ZNF536: variants seen among roughly 807,000 people sequenced by gnomAD.
ZNF536 encodes zinc finger protein 536.
In ZNF536, 13 loss-of-function variants were observed where a neutral mutation model predicts 84.5. That is an observed-to-expected ratio of 0.15 (90% CI 0.10 to 0.24). The LOEUF (loss-of-function observed/expected upper bound fraction) is 0.24. Ranked by LOEUF, ZNF536 falls within the 10% of genes least tolerant of loss-of-function variation. The pLI is 1.00. For synonymous variants in ZNF536, 811 were observed against 742.5 expected (o/e 1.09, Z -1.50); for missense variants, 1,536 against 1,747.5 (o/e 0.88, Z 2.16).
chr19:30,700,185 TTTCC>T (rs2051851166), intron 1 of ZNF536, among the ~76,000 whole-genome samples: 1 of 129,562 alleles, frequency 7.7e-6, no homozygotes, highest in Non-Finnish European at 1.7e-5. Context: ...CTTTCTTTTC[TTTCC>T]TTCTTTCTTT....
intron 1 of ZNF536, among the ~76,000 whole-genome samples, chr19:30,698,066 C>G (rs909038883): frequency 2.0e-5 from 3 of 152,206 alleles, no homozygotes; most frequent in Non-Finnish European, 4.4e-5. Context: ...CCATGGCAGG[C>G]GGATCACCTG....
At chr19:30,671,781 G>T (rs576540961) in intron 1 of ZNF536, among the ~76,000 whole-genome samples, 365 of 152,308 alleles carry the variant, frequency 2.4e-3, no homozygotes, top group Non-Finnish European at 2.9e-3. Context: ...GCCTCAACTT[G>T]GGTGGTTGCA....
At chr19:30,414,465 A>C (rs1039018539) in intron 1 of ZNF536, among the ~76,000 whole-genome samples, 1 of 152,012 alleles carries the variant, frequency 6.6e-6, no homozygotes, top group African/African-American at 2.4e-5. Context: ...GCATGGATGA[A>C]ATTTTGTTTC....
chr19:30,238,337 G>T (rs964078444), intron 1 of ZNF536, among the ~76,000 whole-genome samples: 2 of 151,786 alleles, frequency 1.3e-5, no homozygotes, highest in African/African-American at 4.8e-5. Flanking sequence ...CATTTTAAAG[G>T]GTCAGCTGAG....
At chr19:30,619,887 ATG>A (rs1280711465) in intron 1 of ZNF536, among the ~76,000 whole-genome samples, 6 of 152,228 alleles carry the variant, frequency 3.9e-5, no homozygotes, top group African/African-American at 1.2e-4. Flanking sequence ...GGCAAGTGAC[ATG>A]AAAGAGTGAT....
At chr19:30,624,523 C>T (rs772095651) in intron 1 of ZNF536, among the ~76,000 whole-genome samples, 2 of 152,158 alleles carry the variant, frequency 1.3e-5, no homozygotes, top group Non-Finnish European at 2.9e-5. Context: ...GCTACCATCA[C>T]CTATATAATG....
intron 2 of ZNF536, among the ~76,000 whole-genome samples, chr19:30,336,324 A>C (rs4805550): frequency 0.27 from 40,448 of 152,140 alleles, 5,676 homozygotes; most frequent in East Asian, 0.41. Context: ...AGCGCCTGGC[A>C]CATAGTAGGT....
At chr19:30,401,390 C>A (rs1226764784) in intron 1 of ZNF536, among the ~76,000 whole-genome samples, 2 of 152,184 alleles carry the variant, frequency 1.3e-5, no homozygotes, top group Non-Finnish European at 2.9e-5. Context: ...CCGGGTTAGA[C>A]TCCCCATGTC....
At chr19:30,451,286 T>C (rs1172609039) in intron 2 of ZNF536, among the ~76,000 whole-genome samples, 2 of 152,254 alleles carry the variant, frequency 1.3e-5, no homozygotes, top group Non-Finnish European at 2.9e-5. Context: ...TGCTCTCAGA[T>C]GCTGGTTCAT....
At chr19:30,310,952 C>T (rs1211125826) in intron 2 of ZNF536, among the ~76,000 whole-genome samples, 1 of 152,222 alleles carries the variant, frequency 6.6e-6, no homozygotes, top group Non-Finnish European at 1.5e-5. Context: ...ACTCAGGGCC[C>T]CGGCTCCCTT....
chr19:30,460,201 G>A (rs2053069983), intron 2 of ZNF536, among the ~76,000 whole-genome samples: 2 of 152,188 alleles, frequency 1.3e-5, no homozygotes, highest in African/African-American at 2.4e-5. Context: ...GGAATGGGGT[G>A]TACCACTTGG....
chr19:30,313,838 A>G (rs973958819), intron 2 of ZNF536, among the ~76,000 whole-genome samples: 1 of 152,196 alleles, frequency 6.6e-6, no homozygotes, highest in Non-Finnish European at 1.5e-5. Context: ...AGGCCTTCTC[A>G]TGGGACCAGA....
intron 2 of ZNF536, among the ~76,000 whole-genome samples, chr19:30,461,478 C>T (rs926390702): frequency 6.6e-6 from 1 of 152,174 alleles, no homozygotes; most frequent in Non-Finnish European, 1.5e-5. Flanking sequence ...GATAGCCCAG[C>T]ACTTACTCCC....
chr19:30,537,316 A>G (rs1324079554), intron 3 of ZNF536, among the ~76,000 whole-genome samples: 1 of 152,176 alleles, frequency 6.6e-6, no homozygotes, highest in Non-Finnish European at 1.5e-5. Context: ...GTGGTTGGGC[A>G]GGGTGGGGAC....
chr19:30,609,349 A>G (rs906372577), intron 1 of ZNF536, among the ~76,000 whole-genome samples: 5 of 152,216 alleles, frequency 3.3e-5, no homozygotes, highest in African/African-American at 1.2e-4. Context: ...GACACTTTCT[A>G]TACAATTTCT....
intron 3 of ZNF536, among the ~76,000 whole-genome samples, chr19:30,365,675 C>T (rs777192411): frequency 6.6e-6 from 1 of 152,146 alleles, no homozygotes. Context: ...TCTGCTTCTG[C>T]GGGGAATGAG....
intron 1 of ZNF536, among the ~76,000 whole-genome samples, chr19:30,274,874 A>G (rs530926376): frequency 2.0e-5 from 3 of 152,354 alleles, no homozygotes; most frequent in African/African-American, 4.8e-5. Context: ...GCATTACTTC[A>G]TAGATATCTT....
At chr19:30,282,400 G>T (rs888651013) in intron 1 of ZNF536, among the ~76,000 whole-genome samples, 1 of 131,744 alleles carries the variant, frequency 7.6e-6, no homozygotes, top group African/African-American at 2.4e-5. Flanking sequence ...GCCCATCACT[G>T]CCCCGGTGCC....
chr19:30,709,575 C>CAA (rs1305919957), intron 1 of ZNF536, among the ~76,000 whole-genome samples: 2 of 152,212 alleles, frequency 1.3e-5, no homozygotes, highest in Non-Finnish European at 2.9e-5. Context: ...TTGGGGTCAG[C>CAA]AAAGTGTAGC....
Sources: gnomAD v4.1 joint callset for allele counts (sites outside exome capture counted in the v4.1 genomes callset) on GRCh38, gnomAD v4.1.1 for gene constraint, MANE v1.5 for transcripts, NCBI Gene and HGNC (gene_info 2026-07-23, HGNC 2026-07-21) for gene names.